SHCBP1L: variants seen among roughly 807,000 people sequenced by gnomAD.
The protein encoded by SHCBP1L is SHC binding and spindle associated 1 like.
Under a neutral mutation model 62.5 loss-of-function variants are expected in SHCBP1L, and 67 were observed. The observed-to-expected ratio is 1.07, with a 90% CI of 0.88 to 1.31. The LOEUF (loss-of-function observed/expected upper bound fraction) is 1.31. Ranked by LOEUF, SHCBP1L falls within the 40% of genes most tolerant of loss-of-function variation. SHCBP1L has a pLI of 0.00. For synonymous variants in SHCBP1L, 284 were observed against 289.4 expected, an observed-to-expected ratio of 0.98 and a Z score of 0.19; for missense variants, 823 against 809.8, an observed-to-expected ratio of 1.02 and a Z score of -0.20.
chr1:182,948,365 G>A (rs755845568), intron 2 of SHCBP1L, among the ~76,000 whole-genome samples: 25 of 152,216 alleles, frequency 1.6e-4, no homozygotes, highest in Non-Finnish European at 2.4e-4. Flanking sequence ...TTGAGATGTG[G>A]AGGTCATCTT....
Position 182,940,408 on chromosome 1 carries a change from C to A in SHCBP1L, c.691G>T (p.Val231Leu), listed in dbSNP as rs1651319298. The change falls in exon 3 of 10, where the codon GTG becomes TTG. Residue 231 changes from valine to leucine, a missense_variant. Transcript: ENST00000367547. The stretch of plus-strand genomic sequence containing the variant: ...ACAGGATACACTTCCAAAAGAGGCA[C>A]ACTGTGTTCCAGTTCCTCCAAAATC... ...DEILEELEHSVPLLEVYPVEG... is the reference protein window; with the variant it reads ...DEILEELEHSLPLLEVYPVEG... 4 of 1,613,878 alleles carry A rather than the reference C, an allele frequency of 2.5e-6. No individual in the cohort carries two copies. The highest frequency in any genetic ancestry group is 3.4e-6 in the Non-Finnish European group (4 of 1,179,978).
At chr1:182,904,528 TGTGTGC>T in intron 7 of SHCBP1L, 98 bp from the exon 8 acceptor site, 12 of 1,125,174 alleles carry the variant, frequency 1.1e-5, no homozygotes, top group Admixed American at 9.0e-5. Context: ...AGTTTTTCCC[TGTGTGC>T]GTGTGTGTGT....
At chr1:182,932,582 C>A (rs1651042168) in intron 5 of SHCBP1L, among the ~76,000 whole-genome samples, 1 of 152,262 alleles carries the variant, frequency 6.6e-6, no homozygotes, top group East Asian at 1.9e-4. Context: ...GCAACCTCTG[C>A]CTCCCGGGTT....
rs1464492802 is a variant in SHCBP1L at position 182,900,216 on chromosome 1, A to G, written c.1729T>C (p.Leu577=). 1.3e-6 allele frequency: 2 copies of G among 1,570,724 alleles called. No homozygotes were observed. Among genetic ancestry groups the G allele is most frequent in the Non-Finnish European group, 1.7e-6 (2 of 1,161,764 alleles). ...VNMKVLPAPK[L]KMTNNHIYSN... is the part of the protein sequence containing the mutation. ...TAAATATGATTATTAGTCATCTTCA[A>G]TTTGGGTGCTGGAAGAACCTATTAA... Residue 577 remains leucine (L), a synonymous_variant, in exon 10 of 10, where the codon TTG becomes CTG. Transcript: ENST00000367547.
intron 2 of SHCBP1L, 42 bp from the exon 3 acceptor site, chr1:182,940,585 T>C: frequency 6.5e-7 from 1 of 1,540,164 alleles, no homozygotes. Context: ...TAGTTATAAA[T>C]ATCAGTAAAC....
In SHCBP1L at chr1:182,951,326, A is replaced by G; in HGVS notation, c.547T>C (p.Leu183=). 1 of 1,567,988 alleles carries G rather than the reference A, an allele frequency of 6.4e-7. No homozygotes were observed. Among genetic ancestry groups the G allele is most frequent in the African/African-American group, 1.4e-5 (1 of 73,254 alleles). The change falls in exon 2 of 10, where the codon TTG becomes CTG. Residue 183 remains leucine, a synonymous_variant. Transcript: ENST00000367547. The part of the protein sequence containing the change: ...EEASIPFVGI[L]VEVTCEPYQD... ...AAATAAAATTTATTTACCTCAACCA[A>G]TATACCAACAAAAGGGATAGAAGCT...
At chr1:182,929,521 T>C (rs891071539) in intron 6 of SHCBP1L, 126 bp downstream of exon 6, 17 of 539,344 alleles carry the variant, frequency 3.2e-5, no homozygotes, top group Non-Finnish European at 5.4e-5. Flanking sequence ...TGGCAATAAC[T>C]GAGCTGGAGG....
intron 5 of SHCBP1L, among the ~76,000 whole-genome samples, chr1:182,932,019 T>C (rs1324551370): frequency 6.8e-6 from 1 of 146,724 alleles, no homozygotes; most frequent in African/African-American, 2.5e-5. Context: ...ATAGTTGGAG[T>C]CATACAGTAT....
At chr1:182,925,227 A>C (rs1475469581) in intron 6 of SHCBP1L, among the ~76,000 whole-genome samples, 1 of 152,200 alleles carries the variant, frequency 6.6e-6, no homozygotes. Context: ...AATAAAGCGC[A>C]CAAAAGGAAG....
rs142634232 is a variant in SHCBP1L, at chr1:182,929,073, C to T, written c.1182+574G>A. Among the ~76,000 whole-genome samples the T allele has an allele frequency of 4.2e-3, 634 of 152,172 alleles. 2 individuals are homozygous for T. The highest frequency in any genetic ancestry group is 0.014 in the African/African-American group (597 of 41,532). On this transcript the variant is annotated intron_variant, in intron 6 of 9. Transcript: ENST00000367547. ...TTATTTCAATGAGAGAGATTTGAAA[C>T]GCTACTGAGAGGTCAAGTGAAATGA...
intron 7 of SHCBP1L, among the ~76,000 whole-genome samples, 153 bp downstream of exon 7, chr1:182,905,343 C>T (rs1186809124): frequency 2.6e-5 from 4 of 152,020 alleles, no homozygotes; most frequent in African/African-American, 7.2e-5. Context: ...GAAAATATGA[C>T]GAACATGTCT....
intron 6 of SHCBP1L, among the ~76,000 whole-genome samples, chr1:182,913,354 A>G (rs1650250138): frequency 6.6e-6 from 1 of 152,128 alleles, no homozygotes; most frequent in African/African-American, 2.4e-5. Flanking sequence ...ATGTGACACT[A>G]TCTACTGTAT....
At chr1:182,921,946 G>C (rs1029259075) in intron 6 of SHCBP1L, among the ~76,000 whole-genome samples, 4 of 152,084 alleles carry the variant, frequency 2.6e-5, no homozygotes. Context: ...CAAAAAGATG[G>C]AGAAAAATCT....
intron 5 of SHCBP1L, among the ~76,000 whole-genome samples, chr1:182,936,709 A>T (rs554368806): frequency 6.6e-6 from 1 of 152,210 alleles, no homozygotes; most frequent in South Asian, 2.1e-4. Flanking sequence ...CTAATGAATC[A>T]TTACCACTAT....
intron 5 of SHCBP1L, among the ~76,000 whole-genome samples, chr1:182,933,004 C>T (rs550717950): frequency 5.9e-5 from 9 of 152,236 alleles, no homozygotes; most frequent in South Asian, 2.1e-4. Flanking sequence ...CTCCCAGGTT[C>T]GAGCAATTCT....
intron 6 of SHCBP1L, among the ~76,000 whole-genome samples, chr1:182,910,833 C>T (rs1650158869): frequency 6.6e-6 from 1 of 152,146 alleles, no homozygotes; most frequent in South Asian, 2.1e-4. Flanking sequence ...AGACAATCTG[C>T]AAACACTGGG....
intron 2 of SHCBP1L, among the ~76,000 whole-genome samples, chr1:182,945,291 T>A (rs751832533): frequency 3.3e-5 from 5 of 152,188 alleles, no homozygotes; most frequent in Non-Finnish European, 7.3e-5. Flanking sequence ...GTGGCTTTCA[T>A]TAATTTAGCC....
intron 6 of SHCBP1L, among the ~76,000 whole-genome samples, chr1:182,914,050 A>C (rs1466190171): frequency 1.3e-5 from 2 of 152,198 alleles, no homozygotes; most frequent in African/African-American, 2.4e-5. Context: ...TGAGAGAAGC[A>C]ATGCATTAAG....
chr1:182,913,131 T>G (rs1322149154), intron 6 of SHCBP1L, among the ~76,000 whole-genome samples: 1 of 151,860 alleles, frequency 6.6e-6, no homozygotes, highest in Non-Finnish European at 1.5e-5. Context: ...CAAGACTCCA[T>G]CTCAAAAAAT....
Sources: allele counts gnomAD v4.1 joint callset (sites outside exome capture counted in the v4.1 genomes callset), GRCh38; gene constraint gnomAD v4.1.1; transcripts MANE v1.5; gene names NCBI Gene and HGNC (gene_info 2026-07-23, HGNC 2026-07-21).